Variants in CACNA2D3 observed in about 807,000 individuals in gnomAD.
CACNA2D3 encodes the protein calcium voltage-gated channel auxiliary subunit alpha2delta 3, also known as voltage-dependent calcium channel subunit alpha-2/delta-3.
CACNA2D3 carries 60 observed loss-of-function variants against 160.6 expected under a neutral mutation model. The ratio of observed to expected loss-of-function variants is 0.37; its 90% confidence interval spans 0.30 to 0.46. The LOEUF (loss-of-function observed/expected upper bound fraction) is 0.46. Ranked by LOEUF, CACNA2D3 falls within the 20% of genes least tolerant of loss-of-function variation. The pLI is 1.00. For missense variants in CACNA2D3, 1,205 were observed against 1,365.0 expected, an observed-to-expected ratio of 0.88 and a Z score of 1.85; for synonymous variants, 558 against 492.9, an observed-to-expected ratio of 1.13 and a Z score of -1.75.
intron 2 of CACNA2D3, among the ~76,000 whole-genome samples, chr3:54,222,751 A>G (rs4450860): frequency 0.049 from 7,463 of 152,276 alleles, 292 homozygotes; most frequent in East Asian, 0.21. Flanking sequence ...TCTGATTTCA[A>G]TCCTTTGAAC....
chr3:54,368,869 T>C (rs894868543), intron 3 of CACNA2D3, among the ~76,000 whole-genome samples: 8 of 151,552 alleles, frequency 5.3e-5, no homozygotes, highest in African/African-American at 2.4e-5. Flanking sequence ...GCCTGGCTAA[T>C]TTTTTGTATT....
Position 54,816,834 on chromosome 3 carries a change from T to C in CACNA2D3, c.1381-19T>C, listed in dbSNP as rs746247578. 1.9e-6 allele frequency: 3 copies of C among 1,613,050 alleles called. No homozygotes were observed. Among genetic ancestry groups the C allele is most frequent in the Non-Finnish European group, 2.5e-6 (3 of 1,179,782 alleles). On this transcript the variant is annotated intron_variant, in intron 13 of 37. Transcript: ENST00000474759. ...ATCAACTTTTTTCTTTTTTGTTTTG[T>C]TTTGTTTTCCCCCTTCAGCTCCCTC...
Position 54,283,700 on chromosome 3 carries a change from C to T in CACNA2D3, c.205-36742C>T, listed in dbSNP as rs143786480. On this transcript the variant is annotated intron_variant, in intron 2 of 37. Coordinates refer to ENST00000474759, the MANE Select transcript of CACNA2D3 (RefSeq NM_018398.3). ...ACTGGTGAATCACATTCCCTTTGTC[C>T]GCTCAAAACCTGATAACGACAGTGT... 1.6e-3 allele frequency among the ~76,000 whole-genome samples: 241 copies of T among 152,246 alleles called. 1 individual carries two copies. Among genetic ancestry groups the T allele is most frequent in the African/African-American group, 5.2e-3 (216 of 41,548 alleles).
chr3:54,307,567 C>G (rs1325825509), intron 2 of CACNA2D3, among the ~76,000 whole-genome samples: 1 of 152,168 alleles, frequency 6.6e-6, no homozygotes, highest in Non-Finnish European at 1.5e-5. Context: ...TCAGCCATTG[C>G]CTCTTCCCCA....
intron 13 of CACNA2D3, among the ~76,000 whole-genome samples, chr3:54,780,504 G>A (rs1702512923): frequency 6.6e-6 from 1 of 152,192 alleles, no homozygotes. Context: ...TGTGGAATGT[G>A]ATTTTTTGGT....
chr3:54,645,489 G>A (rs1245779237), intron 11 of CACNA2D3, among the ~76,000 whole-genome samples: 1 of 152,222 alleles, frequency 6.6e-6, no homozygotes, highest in Non-Finnish European at 1.5e-5. Flanking sequence ...CTGAGCAGCA[G>A]CTGTCCCCAT....
At chr3:54,797,343 A>G (rs1559585152) in intron 13 of CACNA2D3, among the ~76,000 whole-genome samples, 1 of 152,228 alleles carries the variant, frequency 6.6e-6, no homozygotes, top group Non-Finnish European at 1.5e-5. Context: ...GAACACAATG[A>G]TGAACCTGGC....
chr3:54,887,079 C>T (rs1397716610), intron 23 of CACNA2D3, among the ~76,000 whole-genome samples: 1 of 152,062 alleles, frequency 6.6e-6, no homozygotes, highest in Non-Finnish European at 1.5e-5. Flanking sequence ...GCCTCTTCCA[C>T]AGAGCTCTAC....
At chr3:54,487,464 T>A (rs1206829302) in intron 4 of CACNA2D3, among the ~76,000 whole-genome samples, 1 of 152,212 alleles carries the variant, frequency 6.6e-6, no homozygotes, top group East Asian at 1.9e-4. Flanking sequence ...TGGGGACAAG[T>A]CCTGGAGTGG....
At chr3:54,622,033 G>C (rs1473008107) in intron 9 of CACNA2D3, among the ~76,000 whole-genome samples, 1 of 152,160 alleles carries the variant, frequency 6.6e-6, no homozygotes. Flanking sequence ...AGATAAGGCA[G>C]TGTCTTACTC....
At chr3:54,799,133 T>C (rs1397611561) in intron 13 of CACNA2D3, among the ~76,000 whole-genome samples, 1 of 152,224 alleles carries the variant, frequency 6.6e-6, no homozygotes, top group Non-Finnish European at 1.5e-5. Flanking sequence ...CTGTTATTTT[T>C]AGTGTGCAAT....
intron 2 of CACNA2D3, among the ~76,000 whole-genome samples, chr3:54,281,939 A>G (rs1443931132): frequency 6.6e-6 from 1 of 152,160 alleles, no homozygotes; most frequent in Non-Finnish European, 1.5e-5. Flanking sequence ...GTTAAAGCAA[A>G]GTGTTCATTG....
At chr3:54,160,432 AGAGGTTGCAGT>A (rs996345175) in intron 2 of CACNA2D3, among the ~76,000 whole-genome samples, 13 of 152,190 alleles carry the variant, frequency 8.5e-5, no homozygotes, top group Non-Finnish European at 1.9e-4. Flanking sequence ...CCTGGGAGGC[AGAGGTTGCAGT>A]GAGCCAAGAT....
intron 13 of CACNA2D3, among the ~76,000 whole-genome samples, chr3:54,813,549 G>T (rs1397631393): frequency 6.6e-6 from 1 of 152,076 alleles, no homozygotes; most frequent in Non-Finnish European, 1.5e-5. Flanking sequence ...ATGGTGGTGG[G>T]GGGTGTTGAT....
chr3:54,985,035 C>T (rs1051933615), intron 30 of CACNA2D3, among the ~76,000 whole-genome samples: 2 of 152,148 alleles, frequency 1.3e-5, no homozygotes, highest in Admixed American at 1.3e-4. Context: ...GGTTTTTTTC[C>T]TTCCGATATT....
chr3:54,316,088 TG>T (rs1703853922), intron 2 of CACNA2D3, among the ~76,000 whole-genome samples: 1 of 151,976 alleles, frequency 6.6e-6, no homozygotes, highest in African/African-American at 2.4e-5. Flanking sequence ...TGTGTGTGTG[TG>T]TGTGTGCACG....
At chr3:54,435,270 T>C (rs1700043515) in intron 4 of CACNA2D3, among the ~76,000 whole-genome samples, 1 of 152,124 alleles carries the variant, frequency 6.6e-6, no homozygotes, top group African/African-American at 2.4e-5. Context: ...GAAGCAACTT[T>C]CGTATGCATT....
chr3:54,909,367 C>T (rs1220049529), intron 27 of CACNA2D3, among the ~76,000 whole-genome samples: 4 of 151,598 alleles, frequency 2.6e-5, no homozygotes, highest in Non-Finnish European at 4.4e-5. Flanking sequence ...TTTATTTAAC[C>T]GCCTTTATCC....
chr3:54,472,200 C>T (rs1285364435), intron 4 of CACNA2D3, among the ~76,000 whole-genome samples: 6 of 152,142 alleles, frequency 3.9e-5, no homozygotes, highest in Non-Finnish European at 7.4e-5. Context: ...TTGTCCAACA[C>T]GATCAAGTTG....
Sources: allele counts gnomAD v4.1 joint callset (sites outside exome capture counted in the v4.1 genomes callset), GRCh38; gene constraint gnomAD v4.1.1; transcripts MANE v1.5; gene names NCBI Gene and HGNC (gene_info 2026-07-23, HGNC 2026-07-21).